Variants in PXDNL observed in about 807,000 individuals in gnomAD.
PXDNL encodes probable oxidoreductase PXDNL.
In PXDNL, 145 loss-of-function variants were observed where a neutral mutation model predicts 150.8. That is an observed-to-expected ratio of 0.96 (90% CI 0.84 to 1.10). PXDNL has a LOEUF of 1.10. PXDNL is among the 50% of genes least tolerant of loss of function. The pLI is 0.00. For synonymous variants in PXDNL, 757 were observed against 725.7 expected (o/e 1.04, Z -0.69); for missense variants, 2,087 against 1,873.9 (o/e 1.11, Z -2.10).
chr8:51,750,472 A>G (rs1290268151), intron 1 of PXDNL, among the ~76,000 whole-genome samples: 1 of 152,242 alleles, frequency 6.6e-6, no homozygotes, highest in Non-Finnish European at 1.5e-5. Flanking sequence ...GCTCTATGGC[A>G]GTAAGACAGC....
chr8:51,748,919 T>C (rs536779087), intron 1 of PXDNL, among the ~76,000 whole-genome samples: 16 of 152,318 alleles, frequency 1.1e-4, no homozygotes, highest in Admixed American at 4.6e-4. Flanking sequence ...ATGCATTTCA[T>C]TTAAGAAACT....
intron 1 of PXDNL, among the ~76,000 whole-genome samples, chr8:51,759,845 G>T (rs555564928): frequency 6.6e-6 from 1 of 152,310 alleles, no homozygotes; most frequent in Admixed American, 6.5e-5. Flanking sequence ...TTGGTGACAG[G>T]GTTGTTACAA....
chr8:51,729,286 T>C (rs1413468098), intron 1 of PXDNL, among the ~76,000 whole-genome samples: 1 of 150,276 alleles, frequency 6.7e-6, no homozygotes, highest in Non-Finnish European at 1.5e-5. Flanking sequence ...AAGATAGTTA[T>C]CCAAAATATA....
At chr8:51,748,047 T>C (rs2130969932) in intron 1 of PXDNL, among the ~76,000 whole-genome samples, 1 of 152,236 alleles carries the variant, frequency 6.6e-6, no homozygotes, top group East Asian at 1.9e-4. Context: ...AGTTAATATA[T>C]TGAGAATGAT....
chr8:51,753,669 G>A (rs2037069625), intron 1 of PXDNL, among the ~76,000 whole-genome samples: 1 of 152,188 alleles, frequency 6.6e-6, no homozygotes, highest in African/African-American at 2.4e-5. Context: ...TTCAGCTGAG[G>A]TCATATTGGG....
At chr8:51,677,873 A>G (rs1815658890) in intron 1 of PXDNL, among the ~76,000 whole-genome samples, 1 of 152,208 alleles carries the variant, frequency 6.6e-6, no homozygotes, top group Non-Finnish European at 1.5e-5. Context: ...TGGTAGCTGC[A>G]CTAAACCATA....
intron 1 of PXDNL, among the ~76,000 whole-genome samples, chr8:51,716,064 A>G (rs1816610607): frequency 6.6e-6 from 1 of 152,200 alleles, no homozygotes; most frequent in Admixed American, 6.5e-5. Flanking sequence ...TCTCTGTATC[A>G]TGAAAAGTTA....
intron 1 of PXDNL, among the ~76,000 whole-genome samples, chr8:51,718,912 C>T (rs983029919): frequency 3.3e-5 from 5 of 152,170 alleles, no homozygotes; most frequent in Non-Finnish European, 7.4e-5. Context: ...CTTCCTCCCT[C>T]GCCCAGCCAG....
chr8:51,769,029 G>C (rs1427759569), intron 1 of PXDNL, among the ~76,000 whole-genome samples: 1 of 152,220 alleles, frequency 6.6e-6, no homozygotes, highest in East Asian at 1.9e-4. Flanking sequence ...GTGAACCCGG[G>C]AGGCAGAGCT....
chr8:51,521,268 T>C (rs1811657531), intron 4 of PXDNL, among the ~76,000 whole-genome samples: 1 of 151,988 alleles, frequency 6.6e-6, no homozygotes, highest in South Asian at 2.1e-4. Flanking sequence ...AAAAAGTCTT[T>C]ACTGGAAAAA....
At chr8:51,529,153 A>G (rs1811830764) in intron 4 of PXDNL, among the ~76,000 whole-genome samples, 1 of 152,202 alleles carries the variant, frequency 6.6e-6, no homozygotes, top group African/African-American at 2.4e-5. Flanking sequence ...AGTTGTATAT[A>G]CACAAGCAAG....
At chr8:51,346,254 T>C (rs1282810039) in intron 19 of PXDNL, among the ~76,000 whole-genome samples, 1 of 152,160 alleles carries the variant, frequency 6.6e-6, no homozygotes, top group African/African-American at 2.4e-5. Context: ...ATGGATTGCA[T>C]GGTGTCTTTT....
chr8:51,628,490 C>G (rs1383443639), intron 2 of PXDNL, among the ~76,000 whole-genome samples: 2 of 143,892 alleles, frequency 1.4e-5, no homozygotes, highest in Non-Finnish European at 3.0e-5. Flanking sequence ...ACTGCAACCT[C>G]TAACTCCTGG....
At chr8:51,753,503 A>T (rs1052401164) in intron 1 of PXDNL, among the ~76,000 whole-genome samples, 1 of 152,242 alleles carries the variant, frequency 6.6e-6, no homozygotes, top group Non-Finnish European at 1.5e-5. Context: ...ATCAAAAAAG[A>T]AGAGTATCTT....
intron 2 of PXDNL, among the ~76,000 whole-genome samples, chr8:51,642,028 A>AG (rs1491574877): frequency 7.4e-5 from 6 of 81,128 alleles, no homozygotes; most frequent in Admixed American, 3.0e-4. Context: ...ATACAGCCAT[A>AG]AAAAAGGATG....
At chr8:51,642,702 C>A (rs551762432) in intron 2 of PXDNL, among the ~76,000 whole-genome samples, 1 of 152,242 alleles carries the variant, frequency 6.6e-6, no homozygotes, top group South Asian at 2.1e-4. Flanking sequence ...GGCAATCAGG[C>A]AGGAGAAGGA....
intron 19 of PXDNL, among the ~76,000 whole-genome samples, chr8:51,359,811 C>T (rs1477486452): frequency 4.6e-5 from 7 of 152,024 alleles, no homozygotes. Context: ...TCCAGACTGG[C>T]ACCTATCGCA....
chr8:51,390,990 G>A (rs1274350585), intron 17 of PXDNL, among the ~76,000 whole-genome samples: 7 of 151,970 alleles, frequency 4.6e-5, no homozygotes, highest in Non-Finnish European at 5.9e-5. Flanking sequence ...GTGAGAACAT[G>A]CGGTGTTTGG....
intron 6 of PXDNL, among the ~76,000 whole-genome samples, chr8:51,478,688 A>C (rs1438114675): frequency 1.3e-5 from 2 of 152,220 alleles, no homozygotes; most frequent in African/African-American, 4.8e-5. Context: ...ACAAGCTATC[A>C]GTGAATGGAC....
Sources: allele counts gnomAD v4.1 joint callset (sites outside exome capture counted in the v4.1 genomes callset), GRCh38; gene constraint gnomAD v4.1.1; transcripts MANE v1.5; gene names NCBI Gene and HGNC (gene_info 2026-07-23, HGNC 2026-07-21).